Variants in ADAMTSL1 observed in about 807,000 individuals in gnomAD.
ADAMTSL1 encodes ADAMTS like 1, also known as ADAMTS-like protein 1.
A neutral mutation model predicts 201.8 loss-of-function variants in ADAMTSL1; 126 were observed. That is an observed-to-expected ratio of 0.62 (90% CI 0.54 to 0.72). The LOEUF is 0.72. Ranked by LOEUF, ADAMTSL1 falls within the 30% of genes least tolerant of loss-of-function variation. The probability of loss-of-function intolerance (pLI) is 0.00; values close to 1 mark genes in which losing one functional copy is unlikely to be tolerated. For synonymous variants in ADAMTSL1, 1,121 were observed against 903.4 expected (o/e 1.24, Z -4.32); for missense variants, 2,679 against 2,277.8 (o/e 1.18, Z -3.59).
chr9:17,994,238 T>G (rs1819282464), intron 1 of ADAMTSL1, among the ~76,000 whole-genome samples: 1 of 152,152 alleles, frequency 6.6e-6, no homozygotes, highest in Non-Finnish European at 1.5e-5. Flanking sequence ...TGTAAATGGC[T>G]GGATGACTCT....
At chr9:18,323,063 T>TGA (rs1834690408) in intron 2 of ADAMTSL1, among the ~76,000 whole-genome samples, 2 of 151,922 alleles carry the variant, frequency 1.3e-5, no homozygotes, top group Non-Finnish European at 2.9e-5. Context: ...TGATACAAAA[T>TGA]CTGAGAAAAA....
chr9:18,745,882 T>C (rs1186276252), intron 15 of ADAMTSL1, among the ~76,000 whole-genome samples: 1 of 152,214 alleles, frequency 6.6e-6, no homozygotes, highest in Non-Finnish European at 1.5e-5. Flanking sequence ...CCTGAATATT[T>C]GACTCCCAGC....
At chr9:18,095,527 A>G (rs1485309599) in intron 1 of ADAMTSL1, among the ~76,000 whole-genome samples, 1 of 145,184 alleles carries the variant, frequency 6.9e-6, no homozygotes. Flanking sequence ...GGTTCAAGCT[A>G]TTCTCCTGCC....
intron 26 of ADAMTSL1, among the ~76,000 whole-genome samples, chr9:18,900,286 G>A (rs1437007714): frequency 6.6e-6 from 1 of 152,158 alleles, no homozygotes; most frequent in African/African-American, 2.4e-5. Context: ...AACAGATGCT[G>A]GTGAGGTTGC....
At chr9:18,153,209 A>T (rs1023911093) in intron 1 of ADAMTSL1, among the ~76,000 whole-genome samples, 17 of 151,998 alleles carry the variant, frequency 1.1e-4, no homozygotes, top group Admixed American at 8.5e-4. Context: ...AGACAACCCA[A>T]ACAGGGGATA....
intron 2 of ADAMTSL1, among the ~76,000 whole-genome samples, chr9:18,396,545 A>T (rs919711447): frequency 3.4e-5 from 5 of 148,118 alleles, no homozygotes; most frequent in African/African-American, 1.2e-4. Flanking sequence ...ATCAAGTAAT[A>T]TAATTAAAAT....
intron 2 of ADAMTSL1, among the ~76,000 whole-genome samples, chr9:18,218,818 A>G (rs1173599390): frequency 2.6e-5 from 4 of 151,962 alleles, no homozygotes; most frequent in Non-Finnish European, 5.9e-5. Flanking sequence ...TTCTTGTGTA[A>G]AAACCTCTTC....
intron 4 of ADAMTSL1, 97 bp from the exon 5 acceptor site, chr9:18,622,146 G>A: frequency 6.7e-7 from 1 of 1,486,626 alleles, no homozygotes; most frequent in Non-Finnish European, 9.1e-7. Context: ...AGGCCCCTCA[G>A]GGATGAAGGG....
At position 18,906,665 on chromosome 9, in the gene ADAMTSL1, C is replaced by A. The variant is rs751767864; in HGVS notation, c.4962-27C>A. 7.8e-6 allele frequency: 12 copies of A among 1,532,848 alleles called. No homozygotes were observed. The Admixed American group carries it at 1.0e-4, about 13-fold the overall frequency. 95.0% of individuals were successfully genotyped at this position (1,532,848 alleles called of 1,614,324 possible). A position where few individuals can be genotyped will look rare whatever the true frequency, so the allele number is the denominator to read the frequency against. Reference sequence around the variant, plus strand: ...TGATTCAGCCCCCACAGAAGCAAACCTTAACCCTGCCACCATCCTCCTGCA... The same window carrying A: ...TGATTCAGCCCCCACAGAAGCAAACATTAACCCTGCCACCATCCTCCTGCA... On this transcript the variant is annotated intron_variant, in intron 27 of 28. Transcript: ENST00000380548.
At chr9:18,841,958 A>G (rs1396183152) in intron 23 of ADAMTSL1, among the ~76,000 whole-genome samples, 1 of 151,842 alleles carries the variant, frequency 6.6e-6, no homozygotes, top group East Asian at 1.9e-4. Context: ...CTAGCGGTCT[A>G]TCAATTTTGT....
chr9:18,295,344 A>AT (rs11402322), intron 2 of ADAMTSL1, among the ~76,000 whole-genome samples: 12,781 of 144,288 alleles, frequency 0.089, 583 homozygotes, highest in African/African-American at 0.11. Context: ...ACCGTTATTC[A>AT]TTTTTTTTTT....
chr9:18,568,382 A>G (rs1822074617), intron 3 of ADAMTSL1, among the ~76,000 whole-genome samples: 1 of 152,204 alleles, frequency 6.6e-6, no homozygotes, highest in Admixed American at 6.5e-5. Flanking sequence ...GCTTTAGAGG[A>G]TATATTTTCC....
intron 2 of ADAMTSL1, among the ~76,000 whole-genome samples, chr9:18,527,877 T>C (rs896401770): frequency 1.3e-5 from 2 of 152,118 alleles, no homozygotes; most frequent in African/African-American, 2.4e-5. Context: ...TATATATATG[T>C]ATTCCACCCG....
At chr9:18,480,694 C>G (rs1563985920) in intron 1 of ADAMTSL1, among the ~76,000 whole-genome samples, 1 of 152,114 alleles carries the variant, frequency 6.6e-6, no homozygotes, top group Non-Finnish European at 1.5e-5. Flanking sequence ...ATACCGTTTT[C>G]CATTTATTAT....
intron 2 of ADAMTSL1, among the ~76,000 whole-genome samples, chr9:18,227,389 C>G (rs1830469742): frequency 1.3e-5 from 2 of 152,140 alleles, no homozygotes; most frequent in South Asian, 4.1e-4. Context: ...ATTAGACTAT[C>G]ATGTGATAAT....
At chr9:18,384,704 CA>C (rs757414063) in intron 2 of ADAMTSL1, among the ~76,000 whole-genome samples, 1 of 152,080 alleles carries the variant, frequency 6.6e-6, no homozygotes, top group Non-Finnish European at 1.5e-5. Context: ...GGGTCAAACC[CA>C]ATAGGATTCC....
chr9:18,017,136 A>G (rs1820291676), intron 1 of ADAMTSL1, among the ~76,000 whole-genome samples: 1 of 152,018 alleles, frequency 6.6e-6, no homozygotes, highest in Admixed American at 6.6e-5. Flanking sequence ...CCTATTTTCC[A>G]TCTCTACTAT....
At chr9:18,011,186 T>A (rs981806097) in intron 1 of ADAMTSL1, among the ~76,000 whole-genome samples, 1 of 152,050 alleles carries the variant, frequency 6.6e-6, no homozygotes, top group Non-Finnish European at 1.5e-5. Context: ...AAAAGAGGTA[T>A]GTCAGAAAAT....
intron 1 of ADAMTSL1, among the ~76,000 whole-genome samples, chr9:17,996,177 T>C (rs1335855257): frequency 6.7e-6 from 1 of 148,342 alleles, no homozygotes; most frequent in African/African-American, 2.5e-5. Context: ...TTTTTTTTTT[T>C]CAAAATATTT....
Sources: allele counts gnomAD v4.1 joint callset (sites outside exome capture counted in the v4.1 genomes callset), GRCh38; gene constraint gnomAD v4.1.1; transcripts MANE v1.5; gene names NCBI Gene and HGNC (gene_info 2026-07-23, HGNC 2026-07-21).